LRMDA: variants seen among roughly 807,000 people sequenced by gnomAD.
LRMDA encodes leucine rich melanocyte differentiation associated, also known as leucine-rich melanocyte differentiation-associated protein.
Under a neutral mutation model 29.8 loss-of-function variants are expected in LRMDA, and 18 were observed. The ratio of observed to expected loss-of-function variants is 0.60; its 90% CI spans 0.42 to 0.90. The LOEUF (loss-of-function observed/expected upper bound fraction) is 0.90, where lower values mean the gene tolerates loss of function less well. Ranked by LOEUF, LRMDA falls within the 40% of genes least tolerant of loss-of-function variation. LRMDA has a pLI of 0.00. For synonymous variants in LRMDA, 125 were observed against 109.4 expected (o/e 1.14, Z -0.89); for missense variants, 273 against 273.9 (o/e 1.00, Z 0.02).
At chr10:76,021,708 C>T (rs1162773473) in intron 2 of LRMDA, among the ~76,000 whole-genome samples, 1 of 152,178 alleles carries the variant, frequency 6.6e-6, no homozygotes, top group Non-Finnish European at 1.5e-5. Context: ...TTAAGCCAGG[C>T]CTCTCCAGCT....
intron 2 of LRMDA, among the ~76,000 whole-genome samples, chr10:75,851,574 C>T (rs767385334): frequency 4.6e-5 from 7 of 152,150 alleles, no homozygotes; most frequent in South Asian, 2.1e-4. Context: ...GATAAATTAG[C>T]GACTTCTAAA....
intron 5 of LRMDA, among the ~76,000 whole-genome samples, chr10:76,284,016 A>C (rs187518689): frequency 2.6e-5 from 4 of 152,166 alleles, no homozygotes; most frequent in African/African-American, 9.7e-5. Context: ...TAGGGAGGCA[A>C]TTCCACTGTT....
intron 5 of LRMDA, among the ~76,000 whole-genome samples, chr10:76,280,034 ATT>A (rs1840183288): frequency 6.6e-6 from 1 of 152,194 alleles, no homozygotes; most frequent in African/African-American, 2.4e-5. Context: ...GACTGGTGAA[ATT>A]AGATGTTTAG....
chr10:76,383,533 C>T (rs1352982587), intron 6 of LRMDA, among the ~76,000 whole-genome samples: 1 of 147,994 alleles, frequency 6.8e-6, no homozygotes, highest in Non-Finnish European at 1.5e-5. Context: ...CGGGTTCACG[C>T]CATTCTCCTG....
chr10:75,474,592 C>T (rs1305607859), intron 2 of LRMDA, among the ~76,000 whole-genome samples: 5 of 152,158 alleles, frequency 3.3e-5, no homozygotes, highest in African/African-American at 1.2e-4. Flanking sequence ...ACATCTAGAC[C>T]CTAGCAGTAC....
At chr10:76,218,261 TTGCCCGAACAG>T (rs1351583245) in intron 5 of LRMDA, among the ~76,000 whole-genome samples, 2 of 152,204 alleles carry the variant, frequency 1.3e-5, no homozygotes, top group African/African-American at 4.8e-5. Flanking sequence ...CATTTCCCTC[TTGCCCGAACAG>T]TGCCATTAGT....
intron 2 of LRMDA, among the ~76,000 whole-genome samples, chr10:75,854,642 T>C (rs1475184120): frequency 6.6e-6 from 1 of 152,162 alleles, no homozygotes; most frequent in African/African-American, 2.4e-5. Flanking sequence ...TATGTATACA[T>C]GTGCCATGTT....
intron 2 of LRMDA, among the ~76,000 whole-genome samples, chr10:75,905,058 T>C (rs1439213842): frequency 6.6e-6 from 1 of 152,270 alleles, no homozygotes; most frequent in East Asian, 1.9e-4. Context: ...TGAGAAAATA[T>C]GGACAGGCAC....
In LRMDA at chr10:75,784,596, GGCT is replaced by G. The variant is rs1843440185; in HGVS notation, c.132-251410_132-251408del. Among the ~76,000 whole-genome samples the G allele has an allele frequency of 3.3e-5, 5 of 152,014 alleles. No homozygotes were observed. In the South Asian group the frequency reaches 1.0e-3, roughly 31 times the overall value. ...TGCCTGTAGTCCCAGCTACTTGGAAGGCTGAGGCAGGAGAATGGCGTGAACCCG... is the reference window on the plus strand; with the variant it reads ...TGCCTGTAGTCCCAGCTACTTGGAAGGAGGCAGGAGAATGGCGTGAACCCG... On this transcript the variant is annotated intron_variant, in intron 2 of 6. Transcript: ENST00000611255.
intron 5 of LRMDA, among the ~76,000 whole-genome samples, chr10:76,180,588 C>A (rs1851029903): frequency 6.6e-6 from 1 of 151,908 alleles, no homozygotes; most frequent in South Asian, 2.1e-4. Context: ...CTGGAAGGAA[C>A]CTTTAACAGA....
intron 2 of LRMDA, among the ~76,000 whole-genome samples, chr10:75,949,470 G>T (rs974051422): frequency 6.6e-6 from 1 of 152,188 alleles, no homozygotes; most frequent in Non-Finnish European, 1.5e-5. Flanking sequence ...CAGCGTGCAG[G>T]TTCTGGACCT....
intron 2 of LRMDA, among the ~76,000 whole-genome samples, chr10:76,032,579 C>T (rs1848167934): frequency 6.6e-6 from 1 of 152,198 alleles, no homozygotes; most frequent in African/African-American, 2.4e-5. Flanking sequence ...GCAGCCGCTG[C>T]AGCTCCTGGG....
chr10:76,280,179 A>G (rs1589408346), intron 5 of LRMDA, among the ~76,000 whole-genome samples: 1 of 152,360 alleles, frequency 6.6e-6, no homozygotes, highest in East Asian at 1.9e-4. Context: ...GATTCAAGGA[A>G]CATGAAATTA....
intron 6 of LRMDA, among the ~76,000 whole-genome samples, chr10:76,449,614 A>G (rs11815658): frequency 0.038 from 5,808 of 151,968 alleles, 150 homozygotes; most frequent in Non-Finnish European, 0.048. Context: ...TAATTTTATA[A>G]CTTTGTTTAA....
chr10:75,555,909 A>G (rs1281362679), intron 2 of LRMDA, among the ~76,000 whole-genome samples: 4 of 152,250 alleles, frequency 2.6e-5, no homozygotes, highest in East Asian at 3.9e-4. Context: ...ACTGAAAATT[A>G]TAATATCAAA....
In LRMDA at chr10:76,006,096, A is replaced by T. The variant is rs1018164567; in HGVS notation, c.132-29912A>T. 2.6e-5 allele frequency among the ~76,000 whole-genome samples: 4 copies of T among 152,004 alleles called. No homozygotes were observed. In the East Asian group the frequency reaches 7.7e-4, roughly 29 times the overall value. On this transcript the variant is annotated intron_variant, in intron 2 of 6. Coordinates refer to ENST00000611255, the MANE Select transcript of LRMDA (RefSeq NM_001305581.2). Reference sequence around the variant, plus strand: ...AAGAGAACAGATCCGCCAATGAGAAAAGTTGATGGGGCAGAGGCCTCAGGC... The same window carrying T: ...AAGAGAACAGATCCGCCAATGAGAATAGTTGATGGGGCAGAGGCCTCAGGC...
intron 6 of LRMDA, among the ~76,000 whole-genome samples, chr10:76,371,241 A>G (rs753720152): frequency 6.6e-6 from 1 of 152,168 alleles, no homozygotes; most frequent in African/African-American, 2.4e-5. Flanking sequence ...GTCAATTGAG[A>G]TGCTGGACCT....
chr10:76,363,161 G>GAAAGAAAGAAAA (rs1255843738), intron 6 of LRMDA, among the ~76,000 whole-genome samples: 19 of 39,454 alleles, frequency 4.8e-4, no homozygotes, highest in African/African-American at 2.0e-3. Flanking sequence ...AAGAAAGAAA[G>GAAAGAAAGAAAA]AAAGAAAGAA....
chr10:75,752,294 C>A (rs1298843781), intron 2 of LRMDA, among the ~76,000 whole-genome samples: 3 of 149,088 alleles, frequency 2.0e-5, no homozygotes, highest in African/African-American at 7.4e-5. Flanking sequence ...TCACTGCAAG[C>A]TCCGCCTCCC....
Sources: allele counts gnomAD v4.1 joint callset (sites outside exome capture counted in the v4.1 genomes callset), GRCh38; gene constraint gnomAD v4.1.1; transcripts MANE v1.5; gene names NCBI Gene and HGNC (gene_info 2026-07-23, HGNC 2026-07-21).